Variants in FTCDNL1 observed in about 807,000 individuals in gnomAD.
The protein encoded by FTCDNL1 is formiminotransferase cyclodeaminase N-terminal like, also known as formiminotransferase N-terminal subdomain-containing protein.
A neutral mutation model predicts 5.9 loss-of-function variants in FTCDNL1; 11 were observed. The ratio of observed to expected loss-of-function variants is 1.87; its 90% CI spans 1.18 to 3.10. FTCDNL1 has a LOEUF of 3.10. Ranked by LOEUF, FTCDNL1 falls within the 30% of genes most tolerant of loss-of-function variation. The pLI is 0.00. For synonymous variants in FTCDNL1, 58 were observed against 24.8 expected (o/e 2.34, Z -3.99); for missense variants, 115 against 65.5 (o/e 1.76, Z -2.61).
At chr2:199,830,163 C>G (rs748023786) in intron 3 of FTCDNL1, among the ~76,000 whole-genome samples, 21 of 151,824 alleles carry the variant, frequency 1.4e-4, no homozygotes, top group Non-Finnish European at 2.8e-4. Flanking sequence ...TAGTTGATTT[C>G]TTACTTTCAT....
the FTCDNL1 span, among the ~76,000 whole-genome samples, chr2:199,680,114 T>C: frequency 6.6e-6 from 1 of 152,162 alleles, no homozygotes; most frequent in African/African-American, 2.4e-5. Flanking sequence ...CAGATGACAT[T>C]TAACAATGAA....
chr2:199,725,896 G>T, the FTCDNL1 span, among the ~76,000 whole-genome samples: 2 of 152,022 alleles, frequency 1.3e-5, no homozygotes, highest in Non-Finnish European at 2.9e-5. Context: ...TATCTTACTG[G>T]GGTTCTCTGG....
chr2:199,821,518 G>A (rs1701691115), intron 3 of FTCDNL1, among the ~76,000 whole-genome samples: 1 of 151,696 alleles, frequency 6.6e-6, no homozygotes. Context: ...AGGCTGCAGT[G>A]CAGTGGCATG....
At chr2:199,705,249 CATA>C in the FTCDNL1 span, among the ~76,000 whole-genome samples, 1 of 152,176 alleles carries the variant, frequency 6.6e-6, no homozygotes, top group Non-Finnish European at 1.5e-5. Flanking sequence ...ACTAAAAGAA[CATA>C]AGTACTATGG....
intron 3 of FTCDNL1, among the ~76,000 whole-genome samples, chr2:199,766,484 T>C (rs1405268316): frequency 1.3e-5 from 2 of 152,148 alleles, no homozygotes; most frequent in African/African-American, 4.8e-5. Flanking sequence ...GCCTACATCT[T>C]CTGATTAAAT....
chr2:199,694,326 TTCAGATGAAGAGATGAC>T, the FTCDNL1 span, among the ~76,000 whole-genome samples: 1 of 152,192 alleles, frequency 6.6e-6, no homozygotes, highest in African/African-American at 2.4e-5. Flanking sequence ...GTGCAGATAT[TTCAGATGAAGAGATGAC>T]TAGATGCTCC....
chr2:199,732,551 T>C, the FTCDNL1 span, among the ~76,000 whole-genome samples: 1 of 151,792 alleles, frequency 6.6e-6, no homozygotes, highest in African/African-American at 2.4e-5. Flanking sequence ...TCCTGGAATG[T>C]TACAGGGCAG....
intron 3 of FTCDNL1, among the ~76,000 whole-genome samples, chr2:199,789,514 A>AT (rs1283708901): frequency 1.3e-5 from 2 of 152,118 alleles, no homozygotes; most frequent in African/African-American, 4.8e-5. Context: ...AAGCACATAT[A>AT]TTTTCCTAAA....
At chr2:199,761,235 C>T (rs1355137362) in intron 3 of FTCDNL1, among the ~76,000 whole-genome samples, 1 of 152,208 alleles carries the variant, frequency 6.6e-6, no homozygotes, top group Non-Finnish European at 1.5e-5. Context: ...TAAATCCCAG[C>T]CAGGGCCACA....
At chr2:199,760,916 T>C (rs1012818463) in intron 3 of FTCDNL1, 4 of 697,674 alleles carry the variant, frequency 5.7e-6, no homozygotes, top group Non-Finnish European at 2.6e-6. Context: ...CAACCCCCAT[T>C]CCTTTCCTTG....
rs1211412597 is a variant in FTCDNL1 at position 199,811,985 on chromosome 2, G to A, written c.*720C>T. Among the ~76,000 whole-genome samples the A allele has an allele frequency of 6.6e-6, 1 of 152,106 alleles. No homozygotes were observed. The highest frequency in any genetic ancestry group is 1.5e-5 in the Non-Finnish European group (1 of 68,006). On this transcript the variant is annotated 3_prime_UTR_variant, in exon 5 of 5. Transcript: ENST00000420128. ...CAAAAGCATAAAGTTCATTTTTTAA[G>A]CAAAATAAAACATCAGAAATAACTT... is the stretch of plus-strand genomic sequence containing the variant.
rs146737788 is a variant in FTCDNL1, at chr2:199,769,459, C to T, written c.212-8624G>A. On this transcript the variant is annotated intron_variant, in intron 3 of 3. Transcript: ENST00000416668. ...AAGACATGACTTTGCTCCTCATCTG[C>T]CTTCCACCATGATTTTGAGGCCCCC... Among the ~76,000 whole-genome samples the T allele has an allele frequency of 1.6e-3, 229 of 141,830 alleles. 1 individual carries two copies. The highest frequency in any genetic ancestry group is 1.1e-3 in the Non-Finnish European group (72 of 66,218). 93.0% of individuals were successfully genotyped at this position (141,830 alleles called of 152,430 possible). A position where few individuals can be genotyped will look rare whatever the true frequency, so the allele number is the denominator to read the frequency against.
chr2:199,847,999 C>A (rs889909814), intron 2 of FTCDNL1, among the ~76,000 whole-genome samples: 2 of 152,140 alleles, frequency 1.3e-5, no homozygotes, highest in African/African-American at 4.8e-5. Context: ...AAAGCAGTAA[C>A]CACATTAAAA....
chr2:199,752,736 CTCTCTG>C, the FTCDNL1 span, among the ~76,000 whole-genome samples: 1 of 25,596 alleles, frequency 3.9e-5, no homozygotes, highest in Non-Finnish European at 2.1e-4. Flanking sequence ...CTATCTCTCT[CTCTCTG>C]TGTGTGTGTG....
chr2:199,722,268 T>C, the FTCDNL1 span, among the ~76,000 whole-genome samples: 2 of 152,226 alleles, frequency 1.3e-5, no homozygotes, highest in Non-Finnish European at 2.9e-5. Context: ...GGGTTTTACA[T>C]TTAAGTCTTT....
At chr2:199,757,640 A>T (rs1168512224), downstream of FTCDNL1, among the ~76,000 whole-genome samples, 1 of 152,132 alleles carries the variant, frequency 6.6e-6, no homozygotes, top group African/African-American at 2.4e-5. Flanking sequence ...TCCTCCCTCA[A>T]ATCCTGGCTG....
chr2:199,737,062 A>T, the FTCDNL1 span, among the ~76,000 whole-genome samples: 1 of 152,222 alleles, frequency 6.6e-6, no homozygotes, highest in African/African-American at 2.4e-5. Flanking sequence ...TTTCCAAAAC[A>T]GCAACTTTAC....
At chr2:199,703,809 T>TTTAAATTTTTCTATAACACAAAG in the FTCDNL1 span, among the ~76,000 whole-genome samples, 1 of 152,328 alleles carries the variant, frequency 6.6e-6, no homozygotes, top group South Asian at 2.1e-4. Flanking sequence ...ATTGTATGTA[T>TTTAAATTTTTCTATAACACAAAG]TTAAATTTTT....
chr2:199,669,812 G>A, the FTCDNL1 span, among the ~76,000 whole-genome samples: 1 of 152,158 alleles, frequency 6.6e-6, no homozygotes, highest in Admixed American at 6.6e-5. Context: ...TTTATGCAAT[G>A]CTGGGTCACT....
Sources: allele counts gnomAD v4.1 joint callset (sites outside exome capture counted in the v4.1 genomes callset), GRCh38; gene constraint gnomAD v4.1.1; transcripts MANE v1.5; gene names NCBI Gene and HGNC (gene_info 2026-07-23, HGNC 2026-07-21).